The following MAN1C1 variants were observed in gnomAD, a reference collection of about 807,000 sequenced individuals.
MAN1C1 encodes mannosidase alpha class 1C member 1.
MAN1C1 carries 49 observed loss-of-function variants against 71.5 expected under a neutral mutation model. That is an observed-to-expected ratio of 0.69 (90% CI 0.54 to 0.87). The LOEUF is 0.87. MAN1C1 is among the 40% of genes least tolerant of loss of function. The pLI is 0.00. For missense variants in MAN1C1, 743 were observed against 835.0 expected (o/e 0.89, Z 1.36); for synonymous variants, 352 against 343.7 (o/e 1.02, Z -0.27).
chr1:25,651,088 T>C lies in MAN1C1; in HGVS notation c.540+32751T>C, dbSNP rs534707280. Among the ~76,000 whole-genome samples the C allele has an allele frequency of 1.2e-4, 19 of 152,148 alleles. No homozygotes were observed. The South Asian group carries it at 3.9e-3, about 32-fold the overall frequency. On this transcript the variant is annotated intron_variant, in intron 1 of 11. Coordinates refer to ENST00000374332, the MANE Select transcript of MAN1C1 (RefSeq NM_020379.4). Reference sequence around the variant, plus strand: ...GGAGAGATTGCCACTGGGTGAACACTCACAATAGGGGCCGCTCACCAACTG... The same window carrying C: ...GGAGAGATTGCCACTGGGTGAACACCCACAATAGGGGCCGCTCACCAACTG...
chr1:25,756,708 T>G lies in MAN1C1; in HGVS notation c.930-1884T>G, dbSNP rs546934582. Among the ~76,000 whole-genome samples the G allele has an allele frequency of 2.6e-5, 4 of 152,230 alleles. No homozygotes were observed. The East Asian group carries it at 7.7e-4, about 29-fold the overall frequency. On this transcript the variant is annotated intron_variant, in intron 5 of 11. Coordinates refer to ENST00000374332, the MANE Select transcript of MAN1C1 (RefSeq NM_020379.4). ...GGGTGGGAGGCCCAGCAGACCTGTTTGAATCCTGTCTCCGTCGTCTTCCGC... is the reference window on the plus strand; with the variant it reads ...GGGTGGGAGGCCCAGCAGACCTGTTGGAATCCTGTCTCCGTCGTCTTCCGC...
At chr1:25,624,304 T>C (rs1236195520) in intron 1 of MAN1C1, among the ~76,000 whole-genome samples, 3 of 152,112 alleles carry the variant, frequency 2.0e-5, no homozygotes, top group Non-Finnish European at 4.4e-5. Context: ...GCAACTGAGA[T>C]TGCTGTTAAG....
intron 1 of MAN1C1, among the ~76,000 whole-genome samples, chr1:25,655,990 A>G (rs2045758675): frequency 6.6e-6 from 1 of 151,250 alleles, no homozygotes; most frequent in Admixed American, 6.6e-5. Context: ...GAGTGAGTAT[A>G]GGCCCTGGAT....
chr1:25,699,067 GA>G (rs927261204), intron 2 of MAN1C1, among the ~76,000 whole-genome samples: 5 of 152,118 alleles, frequency 3.3e-5, no homozygotes, highest in African/African-American at 1.2e-4. Flanking sequence ...AGCACTTTGG[GA>G]GGCCAAGGCA....
rs2047648810 is a variant in MAN1C1 at position 25,778,329 on chromosome 1, C to A, written c.1477+5C>A. 1 of 1,603,258 alleles carries A rather than the reference C, an allele frequency of 6.2e-7. No homozygotes were observed. The highest frequency in any genetic ancestry group is 1.7e-5 in the Admixed American group (1 of 59,094). ...ACGAGTCATACGCCCGCTCAGGTAA[C>A]CCTGCAAGGGGAAGGGGCAGCAGGA... On this transcript the variant is annotated splice_donor_5th_base_variant and intron_variant, in intron 9 of 11. Coordinates refer to ENST00000374332, the MANE Select transcript of MAN1C1 (RefSeq NM_020379.4). The surrounding 1 kb of genome is among the most constrained non-coding windows in gnomAD (Gnocchi z 5.5).
chr1:25,693,178 C>G (rs969953342), intron 2 of MAN1C1, among the ~76,000 whole-genome samples: 2 of 152,110 alleles, frequency 1.3e-5, no homozygotes, highest in African/African-American at 4.8e-5. Flanking sequence ...AAAATTAAAT[C>G]TTATTAAGAA....
intron 1 of MAN1C1, among the ~76,000 whole-genome samples, chr1:25,662,832 C>A (rs975847450): frequency 6.6e-6 from 1 of 152,114 alleles, no homozygotes; most frequent in African/African-American, 2.4e-5. Flanking sequence ...GAGGCCAAGG[C>A]GGGAGGATCA....
intron 1 of MAN1C1, among the ~76,000 whole-genome samples, chr1:25,637,286 CT>C (rs1480255570): frequency 6.6e-6 from 1 of 151,878 alleles, no homozygotes; most frequent in Non-Finnish European, 1.5e-5. Flanking sequence ...TCTTTATTTC[CT>C]TCCTTCTGCC....
At chr1:25,717,032 A>G (rs766773297) in intron 2 of MAN1C1, among the ~76,000 whole-genome samples, 1 of 152,182 alleles carries the variant, frequency 6.6e-6, no homozygotes, top group Non-Finnish European at 1.5e-5. Context: ...GTATTCCGTC[A>G]TATGGATATG....
Position 25,778,377 on chromosome 1 carries a change from A to G in MAN1C1, c.1477+53A>G, listed in dbSNP as rs2047649832. 2.6e-6 allele frequency: 4 copies of G among 1,521,766 alleles called. No homozygotes were observed. The Admixed American group carries it at 6.0e-5, about 23-fold the overall frequency. 94.3% of individuals were successfully genotyped at this position (1,521,766 alleles called of 1,614,324 possible). A position where few individuals can be genotyped will look rare whatever the true frequency, so the allele number is the denominator to read the frequency against. On this transcript the variant is annotated intron_variant, in intron 9 of 11. Coordinates refer to ENST00000374332, the MANE Select transcript of MAN1C1 (RefSeq NM_020379.4). The surrounding 1 kb of genome is among the most constrained non-coding windows in gnomAD (Gnocchi z 5.5). The stretch of plus-strand genomic sequence containing the variant: ...GGAGAGACTGAGGCTAGACACCAGG[A>G]AGAACTGGAAAGACCGGCAGCAGTG...
intron 8 of MAN1C1, among the ~76,000 whole-genome samples, chr1:25,777,303 G>A (rs377097719): frequency 1.6e-4 from 25 of 152,200 alleles, no homozygotes; most frequent in African/African-American, 6.0e-4. Context: ...CTGGCCTCGA[G>A]ACTGTGTGAG....
Position 25,771,936 on chromosome 1 carries a change from CA to C in MAN1C1, c.1257+165del, listed in dbSNP as rs2047558700. On this transcript the variant is annotated intron_variant, in intron 8 of 11. Coordinates refer to ENST00000374332, the MANE Select transcript of MAN1C1 (RefSeq NM_020379.4). The stretch of plus-strand genomic sequence containing the variant: ...ATTGACAGGACAGTCCCCTCCCAGC[CA>C]GGCATTTTACACCCTGCGACCCTCC... 8.2e-6 allele frequency: 5 copies of C among 609,748 alleles called. No homozygotes were observed. In the Admixed American group the frequency reaches 1.4e-4, roughly 18 times the overall value. 37.8% of individuals were successfully genotyped at this position (609,748 alleles called of 1,614,324 possible).
chr1:25,719,395 TTTTATTTATTTATTTATTTATTTA>T (rs76291035), intron 2 of MAN1C1, among the ~76,000 whole-genome samples: 3 of 139,984 alleles, frequency 2.1e-5, no homozygotes, highest in African/African-American at 8.1e-5. Flanking sequence ...ATTTTTTATC[TTTTATTTATTTATTTATTTATTTA>T]TTTATTTATT....
At chr1:25,719,051 CTTATTATTATTATTATTA>C (rs34993782) in intron 2 of MAN1C1, among the ~76,000 whole-genome samples, 1 of 143,894 alleles carries the variant, frequency 6.9e-6, no homozygotes, top group Non-Finnish European at 1.5e-5. Context: ...CTTTCCAATG[CTTATTATTATTATTATTA>C]TTATTATTAT....
At chr1:25,627,269 C>CTTGTCTTG (rs1557738929) in intron 1 of MAN1C1, among the ~76,000 whole-genome samples, 21 of 150,128 alleles carry the variant, frequency 1.4e-4, no homozygotes, top group African/African-American at 5.2e-4. Context: ...CTCTTCTCTT[C>CTTGTCTTG]TCTTCTCTTG....
chr1:25,660,541 T>C lies in MAN1C1; in HGVS notation c.541-25899T>C, dbSNP rs1323599647. On this transcript the variant is annotated intron_variant, in intron 1 of 11. Coordinates refer to ENST00000374332, the MANE Select transcript of MAN1C1 (RefSeq NM_020379.4). ...CCGAATAGCTGGGACTACAGGTGTC[T>C]GCCACCATGCCTGGCTAATTTTTTG... Among the ~76,000 whole-genome samples, 5 of 150,920 alleles carry C rather than the reference T, an allele frequency of 3.3e-5. No individual in the cohort carries two copies. The South Asian group carries it at 8.5e-4, about 26-fold the overall frequency.
At chr1:25,618,938 A>G (rs2045161086) in intron 1 of MAN1C1, among the ~76,000 whole-genome samples, 1 of 152,248 alleles carries the variant, frequency 6.6e-6, no homozygotes, top group Admixed American at 6.5e-5. Flanking sequence ...ACACAATTGT[A>G]CATAATTGCA....
At chr1:25,719,395 T>TTTA (rs2046730081) in intron 2 of MAN1C1, among the ~76,000 whole-genome samples, 107 of 139,984 alleles carry the variant, frequency 7.6e-4, no homozygotes, top group African/African-American at 2.8e-3. Flanking sequence ...ATTTTTTATC[T>TTTA]TTTATTTATT....
At chr1:25,689,086 T>C (rs1476234172) in intron 2 of MAN1C1, among the ~76,000 whole-genome samples, 3 of 152,210 alleles carry the variant, frequency 2.0e-5, no homozygotes, top group Non-Finnish European at 2.9e-5. Context: ...CCGGTCTTGA[T>C]TGACTCCTTC....
Sources: allele counts gnomAD v4.1 joint callset (sites outside exome capture counted in the v4.1 genomes callset), GRCh38; gene constraint gnomAD v4.1.1; non-coding constraint Gnocchi (gnomAD v3.1); transcripts MANE v1.5; gene names NCBI Gene and HGNC (gene_info 2026-07-23, HGNC 2026-07-21).